Variants in ME3 observed in about 807,000 individuals in gnomAD.
ME3 encodes NADP-dependent malic enzyme, mitochondrial.
In ME3, 48 loss-of-function variants were observed where a neutral mutation model predicts 68.9. That is an observed-to-expected ratio of 0.70 (90% CI 0.55 to 0.89). The LOEUF (loss-of-function observed/expected upper bound fraction) is 0.89, where lower values mean the gene tolerates loss of function less well. Among genes scored for constraint, ME3 ranks in the 40% least tolerant of loss-of-function variants. ME3 has a pLI of 0.00. For missense variants in ME3, 675 were observed against 797.4 expected (o/e 0.85, Z 1.85); for synonymous variants, 320 against 318.8 (o/e 1.00, Z -0.04).
intron 2 of ME3, among the ~76,000 whole-genome samples, chr11:86,563,234 ACT>A (rs1957327244): frequency 6.6e-6 from 1 of 151,800 alleles, no homozygotes; most frequent in African/African-American, 2.4e-5. Flanking sequence ...AACTTTGAGA[ACT>A]CTCTGGGCTG....
chr11:86,634,924 C>A (rs1009259718), intron 2 of ME3, among the ~76,000 whole-genome samples: 4 of 150,824 alleles, frequency 2.7e-5, no homozygotes, highest in South Asian at 2.1e-4. Flanking sequence ...ACAACAACAA[C>A]AAAAAACCCA....
intron 2 of ME3, among the ~76,000 whole-genome samples, chr11:86,666,602 C>T (rs984452066): frequency 6.6e-6 from 1 of 152,204 alleles, no homozygotes; most frequent in African/African-American, 2.4e-5. Flanking sequence ...TTTCAACCTG[C>T]CTCTGCTAGT....
intron 4 of ME3, among the ~76,000 whole-genome samples, chr11:86,536,708 C>T (rs1198793040): frequency 3.4e-5 from 5 of 147,824 alleles, no homozygotes; most frequent in African/African-American, 1.3e-4. Flanking sequence ...CTAGTTCAAC[C>T]ATTGTGGAAG....
At chr11:86,492,582 T>G (rs1488638755) in intron 6 of ME3, among the ~76,000 whole-genome samples, 2 of 152,194 alleles carry the variant, frequency 1.3e-5, no homozygotes, top group Non-Finnish European at 2.9e-5. Flanking sequence ...TCCCCTCTGT[T>G]AGATAGTTAC....
exon 4 of ME3, chr11:86,556,663 C>T (rs1410870227): frequency 2.5e-6 from 4 of 1,614,150 alleles, no homozygotes; most frequent in South Asian, 1.1e-5. Context: ...GGTAGAAGAG[C>T]TTCTCGTTCC....
intron 2 of ME3, among the ~76,000 whole-genome samples, chr11:86,611,557 C>A (rs1453694217): frequency 7.4e-6 from 1 of 134,480 alleles, no homozygotes; most frequent in Non-Finnish European, 1.5e-5. Flanking sequence ...TCACATTGTA[C>A]ATCTTAAATA....
chr11:86,601,006 A>T (rs1333967766), intron 2 of ME3, among the ~76,000 whole-genome samples: 2 of 152,038 alleles, frequency 1.3e-5, no homozygotes, highest in Non-Finnish European at 2.9e-5. Flanking sequence ...AGCAGGAAAG[A>T]TCCAAAATTG....
chr11:86,524,118 C>A (rs1455410008), intron 4 of ME3, among the ~76,000 whole-genome samples: 1 of 152,204 alleles, frequency 6.6e-6, no homozygotes, highest in Non-Finnish European at 1.5e-5. Context: ...GTGAACATGG[C>A]ACAGACCCAC....
chr11:86,532,011 G>C (rs554502133), intron 4 of ME3, among the ~76,000 whole-genome samples: 257 of 150,738 alleles, frequency 1.7e-3, no homozygotes, highest in Non-Finnish European at 3.3e-3. Flanking sequence ...ACCAGAAACT[G>C]AAAGTGGAGG....
At chr11:86,546,072 C>T (rs1337841782) in intron 4 of ME3, among the ~76,000 whole-genome samples, 4 of 152,132 alleles carry the variant, frequency 2.6e-5, no homozygotes, top group African/African-American at 9.7e-5. Context: ...GGAAAGGATT[C>T]CCTATTTAAT....
At chr11:86,539,480 C>T (rs993854765) in intron 4 of ME3, among the ~76,000 whole-genome samples, 1 of 152,164 alleles carries the variant, frequency 6.6e-6, no homozygotes, top group African/African-American at 2.4e-5. Context: ...AAACAGAGAC[C>T]ATCAATGAAT....
At chr11:86,617,227 G>C (rs1434807572) in intron 2 of ME3, among the ~76,000 whole-genome samples, 1 of 151,462 alleles carries the variant, frequency 6.6e-6, no homozygotes, top group Non-Finnish European at 1.5e-5. Context: ...TACTACAGGG[G>C]ATTGTAGGTT....
intron 4 of ME3, among the ~76,000 whole-genome samples, chr11:86,543,719 C>G (rs1006773695): frequency 6.6e-6 from 1 of 152,140 alleles, no homozygotes; most frequent in Non-Finnish European, 1.5e-5. Context: ...GACTTTAACA[C>G]CCTACTGTCA....
At chr11:86,650,873 G>A (rs916826418) in intron 2 of ME3, among the ~76,000 whole-genome samples, 6 of 152,216 alleles carry the variant, frequency 3.9e-5, no homozygotes, top group Non-Finnish European at 8.8e-5. Flanking sequence ...GAGGGCACCA[G>A]GAAAATCAGG....
At chr11:86,589,880 A>G (rs2051433) in intron 2 of ME3, among the ~76,000 whole-genome samples, 18,034 of 152,250 alleles carry the variant, frequency 0.12, 1,515 homozygotes, top group East Asian at 0.39. Context: ...AGCTGCTGCT[A>G]CTTGGCACCT....
chr11:86,607,769 G>C (rs1269781052), intron 2 of ME3, among the ~76,000 whole-genome samples: 3 of 151,182 alleles, frequency 2.0e-5, no homozygotes, highest in Non-Finnish European at 4.4e-5. Context: ...AGTTGATCTC[G>C]CAGTGAACTC....
rs964043561 is a variant in ME3 at position 86,450,352 on chromosome 11, G to T, written c.966C>A (p.Ile322=). The change falls in exon 9 of 15, where the codon ATC becomes ATA. Residue 322 remains isoleucine, a synonymous_variant. Coordinates refer to ENST00000543262, the Ensembl canonical transcript of ME3. ...CGTGATTGGAAAGCTTGTTCTTGGT[G>T]ATTCGCAGAGCAGCCAAGATCCCTG... The T allele has an allele frequency of 1.9e-6, 3 of 1,614,012 alleles. No homozygotes were observed. The African/African-American group carries it at 4.0e-5, about 22-fold the overall frequency.
intron 2 of ME3, among the ~76,000 whole-genome samples, chr11:86,631,741 A>C (rs537423209): frequency 4.5e-4 from 69 of 152,232 alleles, no homozygotes; most frequent in South Asian, 4.2e-4. Context: ...GATAGTTATA[A>C]ATTATTTTGA....
Position 86,537,031 on chromosome 11 carries a change from G to C in ME3, c.467+19522C>G, listed in dbSNP as rs866367542. ...AATCATCATTCTCAGTAAACTATCG[G>C]AAGAACAAAAAACCAAACACCGCAT... is the stretch of plus-strand genomic sequence containing the variant. On this transcript the variant is annotated intron_variant, in intron 4 of 14. Transcript: ENST00000543262. 5.9e-3 allele frequency among the ~76,000 whole-genome samples: 876 copies of C among 148,718 alleles called. 5 individuals carry two copies. The highest frequency in any genetic ancestry group is 9.2e-3 in the Non-Finnish European group (624 of 67,536).
Sources: gnomAD v4.1 joint callset for allele counts (sites outside exome capture counted in the v4.1 genomes callset) on GRCh38, gnomAD v4.1.1 for gene constraint, MANE v1.5 for transcripts, NCBI Gene and HGNC (gene_info 2026-07-23, HGNC 2026-07-21) for gene names.